Variants in PDE8B observed in about 807,000 individuals in gnomAD.
PDE8B encodes the protein phosphodiesterase 8B, also known as high affinity cAMP-specific and IBMX-insensitive 3',5'-cyclic phosphodiesterase 8B.
A neutral mutation model predicts 101.3 loss-of-function variants in PDE8B; 26 were observed. The observed-to-expected ratio is 0.26, with a 90% CI of 0.19 to 0.36. The LOEUF is 0.36. Ranked by LOEUF, PDE8B falls within the 10% of genes least tolerant of loss-of-function variation. The pLI is 1.00. For missense variants in PDE8B, 810 were observed against 1,163.1 expected, an observed-to-expected ratio of 0.70 and a Z score of 4.42; for synonymous variants, 424 against 429.3, an observed-to-expected ratio of 0.99 and a Z score of 0.15.
At chr5:77,213,719 C>G (rs1440845657) in intron 1 of PDE8B, among the ~76,000 whole-genome samples, 1 of 152,136 alleles carries the variant, frequency 6.6e-6, no homozygotes, top group Non-Finnish European at 1.5e-5. Context: ...CACCCCCTCC[C>G]CCTGGCCATT....
chr5:77,362,906 G>T (rs1170117130), intron 10 of PDE8B, among the ~76,000 whole-genome samples: 3 of 152,148 alleles, frequency 2.0e-5, no homozygotes, highest in Non-Finnish European at 4.4e-5. Context: ...GCTGTGGAGT[G>T]GATTTGGCAC....
Position 77,405,942 on chromosome 5 carries a change from G to A in PDE8B, c.1288+1145G>A, listed in dbSNP as rs1793341282. On this transcript the variant is annotated intron_variant, in intron 12 of 21. Coordinates refer to ENST00000264917, the MANE Select transcript of PDE8B (RefSeq NM_003719.5). ...TTAAGAGAGTCAACAGAAAGGACAA[G>A]GGAGGGACTTTCCAGTCCTTCTGTA... 1.3e-5 allele frequency among the ~76,000 whole-genome samples: 2 copies of A among 152,206 alleles called. 1 individual carries two copies. The highest frequency in any genetic ancestry group is 4.1e-4 in the South Asian group (2 of 4,838).
the PDE8B span, among the ~76,000 whole-genome samples, chr5:77,091,701 C>G: frequency 6.6e-6 from 1 of 151,974 alleles, no homozygotes; most frequent in Non-Finnish European, 1.5e-5. Flanking sequence ...ATAAACAAAT[C>G]AGGTTAAAGT....
chr5:77,140,811 A>G, the PDE8B span: 1 of 152,132 alleles, frequency 6.6e-6, no homozygotes, highest in Non-Finnish European at 1.5e-5. Flanking sequence ...TTCCTAGGCT[A>G]AGTTATTGCT....
chr5:77,307,765 T>C (rs115114057), intron 1 of PDE8B, among the ~76,000 whole-genome samples: 511 of 152,318 alleles, frequency 3.4e-3, no homozygotes, highest in African/African-American at 0.012. Flanking sequence ...ATTAGGCTAC[T>C]GTGGAAACAC....
At chr5:77,238,792 G>T (rs1461816198) in intron 1 of PDE8B, among the ~76,000 whole-genome samples, 4 of 152,182 alleles carry the variant, frequency 2.6e-5, no homozygotes, top group African/African-American at 9.7e-5. Context: ...CGAGTCCAAA[G>T]GCCAGAGAAC....
chr5:77,187,241 G>A, the PDE8B span, among the ~76,000 whole-genome samples: 1 of 152,240 alleles, frequency 6.6e-6, no homozygotes, highest in African/African-American at 2.4e-5. Context: ...AGAGCATGGG[G>A]ATAAATTTGA....
intron 1 of PDE8B, among the ~76,000 whole-genome samples, chr5:77,215,030 G>A (rs899347217): frequency 6.6e-6 from 1 of 152,170 alleles, no homozygotes; most frequent in Non-Finnish European, 1.5e-5. Context: ...TCATAGCACT[G>A]CTTTCATCTT....
chr5:77,137,160 C>G, the PDE8B span, among the ~76,000 whole-genome samples: 8 of 152,136 alleles, frequency 5.3e-5, no homozygotes, highest in African/African-American at 1.9e-4. Context: ...TTTTTGCTGA[C>G]AGGGGAAAGG....
At chr5:77,299,748 T>C (rs573313684) in intron 1 of PDE8B, among the ~76,000 whole-genome samples, 2 of 152,288 alleles carry the variant, frequency 1.3e-5, no homozygotes, top group South Asian at 4.1e-4. Context: ...TGCATGTGTC[T>C]TTACAGCAGC....
intron 1 of PDE8B, among the ~76,000 whole-genome samples, chr5:77,256,571 G>A (rs1357341349): frequency 6.6e-6 from 1 of 152,156 alleles, no homozygotes; most frequent in Non-Finnish European, 1.5e-5. Flanking sequence ...TACAGCCTAG[G>A]TGACAGAGGG....
At chr5:77,137,664 C>T in the PDE8B span, among the ~76,000 whole-genome samples, 33 of 152,110 alleles carry the variant, frequency 2.2e-4, no homozygotes, top group Non-Finnish European at 3.7e-4. Flanking sequence ...AGGCTCCCTA[C>T]GGAAACATAA....
chr5:77,295,676 T>A (rs189514239), intron 1 of PDE8B, among the ~76,000 whole-genome samples: 318 of 152,314 alleles, frequency 2.1e-3, no homozygotes, highest in African/African-American at 7.3e-3. Flanking sequence ...TCCATTGAGA[T>A]TCTTTCTGTT....
chr5:77,418,078 C>T (rs142545405), intron 17 of PDE8B, 151 bp from the exon 18 acceptor site: 34 of 694,858 alleles, frequency 4.9e-5, no homozygotes, highest in African/African-American at 2.6e-4. Context: ...TGTCCGAGGC[C>T]GCCTCTCCAC....
At chr5:77,324,293 T>G (rs1281006916) in intron 2 of PDE8B, among the ~76,000 whole-genome samples, 2 of 152,172 alleles carry the variant, frequency 1.3e-5, no homozygotes, top group Non-Finnish European at 2.9e-5. Flanking sequence ...AGGTAGTTAT[T>G]TTTTCATTTC....
chr5:77,180,217 A>T, the PDE8B span, among the ~76,000 whole-genome samples: 1 of 152,032 alleles, frequency 6.6e-6, no homozygotes, highest in Non-Finnish European at 1.5e-5. Flanking sequence ...TTGGCTCCAC[A>T]CCCCGGGAGG....
At chr5:77,345,965 G>A (rs1396809106) in intron 7 of PDE8B, among the ~76,000 whole-genome samples, 2 of 152,150 alleles carry the variant, frequency 1.3e-5, no homozygotes, top group Non-Finnish European at 2.9e-5. Context: ...CCTAGGCCCT[G>A]TCATCAGCAC....
intron 9 of PDE8B, 34 bp downstream of exon 9, chr5:77,351,187 G>T (rs1219871357): frequency 6.7e-7 from 1 of 1,502,484 alleles, no homozygotes; most frequent in Non-Finnish European, 9.3e-7. Context: ...TTTAGCTGAA[G>T]ATAAAGACTC....
At chr5:77,380,407 G>A (rs974616734) in intron 10 of PDE8B, among the ~76,000 whole-genome samples, 1 of 152,142 alleles carries the variant, frequency 6.6e-6, no homozygotes, top group Non-Finnish European at 1.5e-5. Context: ...TAGATATTTG[G>A]CCTCCATTTC....
Sources: gnomAD v4.1 joint callset for allele counts (sites outside exome capture counted in the v4.1 genomes callset) on GRCh38, gnomAD v4.1.1 for gene constraint, MANE v1.5 for transcripts, NCBI Gene and HGNC (gene_info 2026-07-23, HGNC 2026-07-21) for gene names.